Variants in IRF8 observed in about 807,000 individuals in gnomAD.
IRF8 encodes interferon regulatory factor 8.
A neutral mutation model predicts 48.7 loss-of-function variants in IRF8; 14 were observed. The observed-to-expected ratio is 0.29, with a 90% CI of 0.19 to 0.45. The LOEUF is 0.45. Ranked by LOEUF, IRF8 falls within the 20% of genes least tolerant of loss-of-function variation. The pLI is 1.00. For missense variants in IRF8, 493 were observed against 580.7 expected (o/e 0.85, Z 1.55); for synonymous variants, 278 against 227.3 (o/e 1.22, Z -2.01).
intron 6 of IRF8, among the ~76,000 whole-genome samples, chr16:85,916,259 CG>C (rs1481373310): frequency 6.6e-6 from 1 of 152,226 alleles, no homozygotes; most frequent in Admixed American, 6.5e-5. Context: ...AGTGGGGAAG[CG>C]GCTTGCCCCA....
chr16:85,901,631 A>G (rs1904830062), intron 1 of IRF8, among the ~76,000 whole-genome samples: 1 of 152,146 alleles, frequency 6.6e-6, no homozygotes, highest in Admixed American at 6.5e-5. Context: ...AGAAAAAAAA[A>G]TTGAACTCAT....
chr16:85,919,591 G>C (rs1163166055), intron 7 of IRF8, among the ~76,000 whole-genome samples: 1 of 152,204 alleles, frequency 6.6e-6, no homozygotes, highest in African/African-American at 2.4e-5. Context: ...ACAGAAGTGC[G>C]TCCTGCAATG....
chr16:85,902,996 G>T lies in IRF8; in HGVS notation c.-1-19G>T. On this transcript the variant is annotated intron_variant, in intron 1 of 8. Transcript: ENST00000268638. Reference sequence around the variant, plus strand: ...GACAATATCCGTAATATCACAGCGTGTATTTCTGTCTTTCCAAGGATGTGT... The same window carrying T: ...GACAATATCCGTAATATCACAGCGTTTATTTCTGTCTTTCCAAGGATGTGT... 2 of 1,613,866 alleles carry T rather than the reference G, an allele frequency of 1.2e-6. No homozygotes were observed. The highest frequency in any genetic ancestry group is 1.7e-6 in the Non-Finnish European group (2 of 1,179,754).
At position 85,920,147 on chromosome 16, in the gene IRF8, G is replaced by A. The variant is rs1474391549; in HGVS notation, c.1027G>A (p.Asp343Asn). 1 of 1,613,754 alleles carries A rather than the reference G, an allele frequency of 6.2e-7. No homozygotes were observed. Among genetic ancestry groups the A allele is most frequent in the African/African-American group, 1.3e-5 (1 of 74,856 alleles). The change falls in exon 8 of 9, where the codon GAC becomes AAC. Residue 343 changes from aspartate to asparagine, a missense_variant. Asp to Asn is a conservative substitution (Grantham distance 23). Around this residue, in one of 3 missense-constraint regions of IRF8, gnomAD observed 408 missense variants for 449.6 expected, o/e 0.91. Transcript: ENST00000268638. ...QFYNSQGRLP[D>N]GRVVLCFGEE... Reference sequence around the variant, plus strand: ...CTATAACAGCCAGGGCCGGCTTCCTGACGGCAGGGTGGTGCTGTGCTTTGG... The same window carrying A: ...CTATAACAGCCAGGGCCGGCTTCCTAACGGCAGGGTGGTGCTGTGCTTTGG...
At chr16:85,900,934 C>G (rs1904807384) in intron 1 of IRF8, 2 of 152,138 alleles carry the variant, frequency 1.3e-5, no homozygotes. Context: ...GCAGGAGGCT[C>G]AGGAACTGTG....
intron 6 of IRF8, among the ~76,000 whole-genome samples, chr16:85,915,067 C>A (rs987700820): frequency 2.0e-5 from 3 of 152,204 alleles, no homozygotes; most frequent in African/African-American, 7.2e-5. Flanking sequence ...CTCAGGCTCC[C>A]CTGCCCACCA....
In IRF8 at chr16:85,921,750, A is replaced by G. The variant is rs1185821077; in HGVS notation, c.*468A>G. ...TCATAGGCTTGATTCTATGTGAAAT[A>G]TCTTTTTACTTTTATGCATTTTAAT... On this transcript the variant is annotated 3_prime_UTR_variant, in exon 9 of 9. Coordinates refer to ENST00000268638, the MANE Select transcript of IRF8 (RefSeq NM_002163.4). The G allele has an allele frequency of 1.0e-5, 2 of 195,436 alleles. No homozygotes were observed. Among genetic ancestry groups the G allele is most frequent in the Non-Finnish European group, 2.1e-5 (2 of 94,266 alleles). The allele number at this position is 195,436 out of a possible 1,614,324, so 12.1% of individuals were successfully genotyped here.
At chr16:85,914,380 T>G in intron 5 of IRF8, 93 bp from the exon 6 acceptor site, 1 of 1,497,706 alleles carries the variant, frequency 6.7e-7, no homozygotes, top group Admixed American at 1.7e-5. Flanking sequence ...ATGTGCAGCC[T>G]TTTAAGGGAC....
chr16:85,913,385 G>A, intron 5 of IRF8, 149 bp downstream of exon 5: 1 of 675,620 alleles, frequency 1.5e-6, no homozygotes, highest in Non-Finnish European at 2.7e-6. Flanking sequence ...AAGAACGATG[G>A]CCCTGGTTTC....
At chr16:85,899,865 A>G (rs1269649937) in intron 1 of IRF8, among the ~76,000 whole-genome samples, 1 of 152,244 alleles carries the variant, frequency 6.6e-6, no homozygotes, top group Non-Finnish European at 1.5e-5. Context: ...TACATAGGAC[A>G]GACTTTCCTA....
At chr16:85,915,442 G>C (rs544942913) in intron 6 of IRF8, among the ~76,000 whole-genome samples, 10 of 152,342 alleles carry the variant, frequency 6.6e-5, no homozygotes, top group Admixed American at 6.5e-4. Context: ...GCAGAGGTCG[G>C]TGCTCACCCA....
In IRF8 at chr16:85,917,258, G is replaced by T. The variant is rs146523966; in HGVS notation, c.602-1159G>T. 1.7e-4 allele frequency among the ~76,000 whole-genome samples: 26 copies of T among 152,326 alleles called. No individual in the cohort carries two copies. In the East Asian group the frequency reaches 4.4e-3, roughly 26 times the overall value. On this transcript the variant is annotated intron_variant, in intron 6 of 8. Coordinates refer to ENST00000268638, the MANE Select transcript of IRF8 (RefSeq NM_002163.4). The stretch of plus-strand genomic sequence containing the variant: ...TCGAACCGGTCTGGGGTACTTAGAA[G>T]GAGCTGCAAACTCACTAAGCTCATT...
chr16:85,908,482 G>A (rs1905062774), intron 2 of IRF8, among the ~76,000 whole-genome samples: 2 of 152,158 alleles, frequency 1.3e-5, no homozygotes, highest in South Asian at 4.1e-4. Flanking sequence ...ATGCAAAAAT[G>A]CAAAACAAAA....
At chr16:85,900,072 A>T (rs1168138346) in intron 1 of IRF8, among the ~76,000 whole-genome samples, 2 of 152,198 alleles carry the variant, frequency 1.3e-5, no homozygotes, top group African/African-American at 2.4e-5. Flanking sequence ...CCTCTATGAA[A>T]AGATTTGGGA....
At chr16:85,903,256 A>C (rs888430065) in intron 2 of IRF8, 67 bp downstream of exon 2, 1 of 1,383,946 alleles carries the variant, frequency 7.2e-7, no homozygotes, top group African/African-American at 1.4e-5. Flanking sequence ...ACTAGTGGAG[A>C]TGTTGAGTGA....
intron 1 of IRF8, 155 bp from the exon 2 acceptor site, chr16:85,902,860 C>T: frequency 1.3e-6 from 1 of 783,432 alleles, no homozygotes; most frequent in Non-Finnish European, 2.2e-6. Context: ...ATTGCCTTCT[C>T]ATGGCAGGTG....
chr16:85,910,870 A>G (rs372823017), intron 3 of IRF8, among the ~76,000 whole-genome samples: 2 of 152,356 alleles, frequency 1.3e-5, no homozygotes, highest in African/African-American at 4.8e-5. Flanking sequence ...GGTCACTGGG[A>G]ATAATGAATT....
At position 85,913,175 on chromosome 16, in the gene IRF8, C is replaced by G. The variant is rs1905195296; in HGVS notation, c.492C>G (p.Ser164=). 38 of 1,614,064 alleles carry G rather than the reference C, an allele frequency of 2.4e-5. No individual in the cohort carries two copies. The highest frequency in any genetic ancestry group is 3.1e-5 in the Non-Finnish European group (37 of 1,180,036). ...DYMGMIKRSP[S]PPEACRSQLL... Reference sequence around the variant, plus strand: ...TGGGGATGATCAAAAGGAGCCCTTCCCCGCCGGAGGCCTGTCGGAGTCAGC... The same window carrying G: ...TGGGGATGATCAAAAGGAGCCCTTCGCCGCCGGAGGCCTGTCGGAGTCAGC... Residue 164 remains serine (S), a synonymous_variant, in exon 5 of 9, where the codon TCC becomes TCG. Transcript: ENST00000268638.
chr16:85,902,730 GA>G (rs1374869653), intron 1 of IRF8: 66 of 471,216 alleles, frequency 1.4e-4, no homozygotes, highest in Non-Finnish European at 2.2e-4. Context: ...AAGGGCAGAT[GA>G]AAGCTGGAAG....
Sources: allele counts gnomAD v4.1 joint callset (sites outside exome capture counted in the v4.1 genomes callset), GRCh38; gene constraint gnomAD v4.1.1; regional missense constraint gnomAD v4.1.1; transcripts MANE v1.5; gene names NCBI Gene and HGNC (gene_info 2026-07-23, HGNC 2026-07-21).